The following FSTL5 variants were observed in gnomAD, a reference collection of about 807,000 sequenced individuals.
The protein encoded by FSTL5 is follistatin-related protein 5.
A neutral mutation model predicts 89.1 loss-of-function variants in FSTL5; 62 were observed. That is an observed-to-expected ratio of 0.70 (90% confidence interval 0.57 to 0.86). The LOEUF (loss-of-function observed/expected upper bound fraction) is 0.86, where lower values mean the gene tolerates loss of function less well. Among genes scored for constraint, FSTL5 ranks in the 40% least tolerant of loss-of-function variants. The pLI, the probability that FSTL5 is intolerant of heterozygous loss-of-function variation, is 0.00. For missense variants in FSTL5, 1,057 were observed against 1,001.6 expected (o/e 1.06, Z -0.75); for synonymous variants, 383 against 346.2 (o/e 1.11, Z -1.18).
intron 6 of FSTL5, among the ~76,000 whole-genome samples, chr4:161,712,686 A>G (rs1385796649): frequency 2.0e-5 from 3 of 151,946 alleles, no homozygotes; most frequent in African/African-American, 4.8e-5. Flanking sequence ...TCCCTTATGA[A>G]TGGCTTGGTG....
intron 4 of FSTL5, among the ~76,000 whole-genome samples, chr4:161,834,836 T>C (rs1579127348): frequency 6.6e-6 from 1 of 151,914 alleles, no homozygotes; most frequent in East Asian, 1.9e-4. Flanking sequence ...TCCATGCTCA[T>C]AGGGTAGGAA....
At chr4:161,489,915 G>A (rs1296256307) in intron 12 of FSTL5, among the ~76,000 whole-genome samples, 2 of 142,804 alleles carry the variant, frequency 1.4e-5, no homozygotes, top group Admixed American at 7.1e-5. Flanking sequence ...TTAAAATGCA[G>A]AATTTTTTTT....
chr4:161,467,299 G>GA (rs951991575), intron 13 of FSTL5, among the ~76,000 whole-genome samples: 48 of 151,858 alleles, frequency 3.2e-4, no homozygotes, highest in African/African-American at 1.0e-3. Context: ...ACTCAGATTA[G>GA]AAAAAATAGG....
intron 6 of FSTL5, among the ~76,000 whole-genome samples, chr4:161,661,006 T>C (rs896165413): frequency 5.9e-5 from 9 of 152,156 alleles, no homozygotes; most frequent in African/African-American, 2.2e-4. Context: ...AATATTGTAA[T>C]GGGATTTCTG....
At position 161,587,850 on chromosome 4, in the gene FSTL5, CAT is replaced by C. The variant is rs201083221; in HGVS notation, c.895-277_895-276del. Among the ~76,000 whole-genome samples, 1,197 of 152,178 alleles carry C rather than the reference CAT, an allele frequency of 7.9e-3. 15 individuals are homozygous for C. The highest frequency in any genetic ancestry group is 0.028 in the African/African-American group (1,150 of 41,526). On this transcript the variant is annotated intron_variant, in intron 7 of 15. Coordinates refer to ENST00000306100, the MANE Select transcript of FSTL5 (RefSeq NM_020116.5). The stretch of plus-strand genomic sequence containing the variant: ...AATATATAAAGTAACTTAATTTCCA[CAT>C]ATGTGTTCTAATTTAGTTCCCATTT...
chr4:161,892,258 A>G (rs1560902660), intron 4 of FSTL5, among the ~76,000 whole-genome samples: 1 of 151,938 alleles, frequency 6.6e-6, no homozygotes, highest in East Asian at 1.9e-4. Flanking sequence ...GCCTGCTTTC[A>G]TTGGCTTCCC....
intron 5 of FSTL5, among the ~76,000 whole-genome samples, chr4:161,768,337 A>G (rs1741089316): frequency 6.6e-6 from 1 of 152,140 alleles, no homozygotes; most frequent in African/African-American, 2.4e-5. Flanking sequence ...CAAGGAAGGT[A>G]GATGTTGGTA....
intron 4 of FSTL5, among the ~76,000 whole-genome samples, chr4:161,779,795 A>ATGTATATATATACG (rs1560840929): frequency 3.8e-5 from 2 of 52,994 alleles, no homozygotes; most frequent in African/African-American, 2.5e-4. Context: ...ATATATATAT[A>ATGTATATATATACG]TATATATATA....
At chr4:161,491,057 ATATATT>A (rs1400408710) in intron 12 of FSTL5, among the ~76,000 whole-genome samples, 1 of 151,964 alleles carries the variant, frequency 6.6e-6, no homozygotes, top group Non-Finnish European at 1.5e-5. Context: ...ATTTATAACT[ATATATT>A]TATTATCATA....
chr4:161,638,485 G>A (rs1735816939), intron 7 of FSTL5, among the ~76,000 whole-genome samples: 2 of 152,084 alleles, frequency 1.3e-5, no homozygotes, highest in Non-Finnish European at 2.9e-5. Context: ...GCCCTGGCCA[G>A]AACTTCCAAC....
chr4:161,733,937 G>A (rs541383740), intron 6 of FSTL5, among the ~76,000 whole-genome samples: 68 of 151,988 alleles, frequency 4.5e-4, no homozygotes, highest in African/African-American at 1.5e-3. Flanking sequence ...TTAAATGACT[G>A]TCTCAAGGTC....
chr4:161,722,100 C>T (rs948843460), intron 6 of FSTL5, among the ~76,000 whole-genome samples: 2 of 151,970 alleles, frequency 1.3e-5, no homozygotes, highest in Admixed American at 1.3e-4. Context: ...AATGATATGC[C>T]TAGCTTCTAT....
chr4:161,552,121 G>A (rs1197639522), intron 8 of FSTL5, among the ~76,000 whole-genome samples: 3 of 151,866 alleles, frequency 2.0e-5, no homozygotes, highest in South Asian at 2.1e-4. Flanking sequence ...ATATGTTAAT[G>A]TACTTATGGT....
At chr4:161,862,956 G>A (rs1731966212) in intron 4 of FSTL5, among the ~76,000 whole-genome samples, 1 of 152,088 alleles carries the variant, frequency 6.6e-6, no homozygotes, top group Non-Finnish European at 1.5e-5. Flanking sequence ...AAATATCAGT[G>A]ATAACATTGC....
intron 4 of FSTL5, among the ~76,000 whole-genome samples, chr4:161,869,942 TTCC>T (rs1247431455): frequency 6.6e-6 from 1 of 152,182 alleles, no homozygotes; most frequent in African/African-American, 2.4e-5. Context: ...TACCTCTCCT[TTCC>T]TCCTCCTATC....
At chr4:161,552,147 T>C (rs943984644) in intron 8 of FSTL5, among the ~76,000 whole-genome samples, 1 of 151,848 alleles carries the variant, frequency 6.6e-6, no homozygotes, top group African/African-American at 2.4e-5. Flanking sequence ...CACATCACTG[T>C]AAGGGGTGGA....
chr4:161,963,828 T>A (rs1735248103), intron 3 of FSTL5, among the ~76,000 whole-genome samples: 1 of 151,982 alleles, frequency 6.6e-6, no homozygotes, highest in South Asian at 2.1e-4. Flanking sequence ...GCTTGATACA[T>A]GTGTAATTGT....
At chr4:161,647,007 T>G (rs1203686233) in intron 7 of FSTL5, among the ~76,000 whole-genome samples, 1 of 152,212 alleles carries the variant, frequency 6.6e-6, no homozygotes, top group Admixed American at 6.5e-5. Context: ...TAGTTTGATG[T>G]ATTCCCATTT....
At chr4:161,427,354 G>C (rs1477500010) in intron 15 of FSTL5, among the ~76,000 whole-genome samples, 2 of 152,186 alleles carry the variant, frequency 1.3e-5, no homozygotes, top group African/African-American at 4.8e-5. Context: ...AGCTGCATTT[G>C]TGAAATGACC....
Sources: gnomAD v4.1 joint callset for allele counts (sites outside exome capture counted in the v4.1 genomes callset) on GRCh38, gnomAD v4.1.1 for gene constraint, MANE v1.5 for transcripts, NCBI Gene and HGNC (gene_info 2026-07-23, HGNC 2026-07-21) for gene names.